The following ALG12 variants were observed in gnomAD, a reference collection of about 807,000 sequenced individuals.
ALG12 encodes dol-P-Man:Man(7)GlcNAc(2)-PP-Dol alpha-1,6-mannosyltransferase.
In ALG12, 36 loss-of-function variants were observed where a neutral mutation model predicts 46.0. That is an observed-to-expected ratio of 0.78 (90% confidence interval 0.60 to 1.03). The LOEUF (loss-of-function observed/expected upper bound fraction) is 1.03. ALG12 is among the 50% of genes least tolerant of loss of function. The pLI is 0.00. For synonymous variants in ALG12, 326 were observed against 291.6 expected, an observed-to-expected ratio of 1.12 and a Z score of -1.20; for missense variants, 599 against 633.5, an observed-to-expected ratio of 0.95 and a Z score of 0.58.
In ALG12 at chr22:49,903,468, G is replaced by C. The variant is rs1249818970; in HGVS notation, c.*370C>G. On this transcript the variant is annotated 3_prime_UTR_variant, in exon 10 of 10. Coordinates refer to ENST00000330817, the MANE Select transcript of ALG12 (RefSeq NM_024105.4). ...GTGCTGCCAAAATACAGCTCCCCCTGGGTGGGCAGGACACACGTGGCCTCC... is the reference window on the plus strand; with the variant it reads ...GTGCTGCCAAAATACAGCTCCCCCTCGGTGGGCAGGACACACGTGGCCTCC... 2 of 479,418 alleles carry C rather than the reference G, an allele frequency of 4.2e-6. No homozygotes were observed. Among genetic ancestry groups the C allele is most frequent in the African/African-American group, 3.9e-5 (2 of 51,154 alleles). 29.7% of individuals were successfully genotyped at this position (479,418 alleles called of 1,614,324 possible).
chr22:49,876,160 T>C, the ALG12 span, among the ~76,000 whole-genome samples: 2 of 152,226 alleles, frequency 1.3e-5, no homozygotes, highest in African/African-American at 2.4e-5. Flanking sequence ...TTGATTTTGG[T>C]TCTTTTAAAT....
At chr22:49,869,466 G>A in the ALG12 span, among the ~76,000 whole-genome samples, 1 of 152,192 alleles carries the variant, frequency 6.6e-6, no homozygotes, top group Non-Finnish European at 1.5e-5. Context: ...TTAGAGACAC[G>A]TTCTGTGTTT....
At chr22:49,910,753 G>GC (rs1432352212) in intron 3 of ALG12, 146 bp from the exon 4 acceptor site, 1 of 949,418 alleles carries the variant, frequency 1.1e-6, no homozygotes, top group African/African-American at 1.6e-5. Flanking sequence ...AGGCAAAGCA[G>GC]CCTTGAGGGC....
chr22:49,888,815 T>G, the ALG12 span: 1 of 167,254 alleles, frequency 6.0e-6, no homozygotes, highest in Non-Finnish European at 1.5e-5. Context: ...ACAGTGCCCG[T>G]GAGGCTGCAG....
At position 49,903,176 on chromosome 22, in the gene ALG12, A is replaced by T. The variant is rs1396671777; in HGVS notation, c.*662T>A. The stretch of plus-strand genomic sequence containing the variant: ...CACCTGTGATAAGCTATCACATAGG[A>T]AACATTTTTAAAATTTCATTCTCAT... On this transcript the variant is annotated 3_prime_UTR_variant, in exon 10 of 10. Coordinates refer to ENST00000330817, the MANE Select transcript of ALG12 (RefSeq NM_024105.4). 2.7e-6 allele frequency: 1 copy of T among 372,290 alleles called. No homozygotes were observed. Among genetic ancestry groups the T allele is most frequent in the Non-Finnish European group, 5.3e-6 (1 of 189,540 alleles). 23.1% of individuals were successfully genotyped at this position (372,290 alleles called of 1,614,324 possible). A position where few individuals can be genotyped will look rare whatever the true frequency, so the allele number is the denominator to read the frequency against.
the ALG12 span, among the ~76,000 whole-genome samples, chr22:49,872,719 T>C: frequency 1.1e-4 from 17 of 151,478 alleles, no homozygotes; most frequent in Non-Finnish European, 2.1e-4. Flanking sequence ...TTTTTTTTTT[T>C]CCTGAGATGG....
At chr22:49,889,582 C>T in the ALG12 span, 4 of 167,182 alleles carry the variant, frequency 2.4e-5, no homozygotes, top group African/African-American at 7.2e-5. Flanking sequence ...GCTTGCTTTA[C>T]TCAACAGAAA....
rs1297057011 is a variant in ALG12 at position 49,903,759 on chromosome 22, G to T, written c.*79C>A. ...CTTGCTTCTCTGAATTGTCATAATTGTGCTGGAATTGTGCCAGAAACTGGT... is the reference window on the plus strand; with the variant it reads ...CTTGCTTCTCTGAATTGTCATAATTTTGCTGGAATTGTGCCAGAAACTGGT... On this transcript the variant is annotated 3_prime_UTR_variant, in exon 10 of 10. Coordinates refer to ENST00000330817, the MANE Select transcript of ALG12 (RefSeq NM_024105.4). 2.0e-6 allele frequency: 3 copies of T among 1,487,420 alleles called. No individual in the cohort carries two copies. The highest frequency in any genetic ancestry group is 1.1e-5 in the South Asian group (1 of 88,304). 92.1% of individuals were successfully genotyped at this position (1,487,420 alleles called of 1,614,324 possible).
chr22:49,886,079 C>A, the ALG12 span: 1 of 680,668 alleles, frequency 1.5e-6, no homozygotes, highest in East Asian at 2.5e-5. This position sits in a 1 kb window ranked among gnomAD's most constrained non-coding sequence, Gnocchi z 7.7. Flanking sequence ...GTGGGCATCA[C>A]CGTCACCGAC....
the ALG12 span, chr22:49,883,712 C>T: frequency 6.2e-7 from 1 of 1,605,580 alleles, no homozygotes; most frequent in African/African-American, 1.3e-5. Flanking sequence ...GATTTCGTTT[C>T]TGATAAAATA....
chr22:49,865,371 C>T, the ALG12 span, among the ~76,000 whole-genome samples: 15 of 151,992 alleles, frequency 9.9e-5, no homozygotes, highest in Admixed American at 2.0e-4. Context: ...ACACGGGGGC[C>T]GGGCGCAGTG....
At chr22:49,871,180 G>A in the ALG12 span, among the ~76,000 whole-genome samples, 3 of 6,530 alleles carry the variant, frequency 4.6e-4, no homozygotes, top group African/African-American at 3.7e-3. Context: ...AAAGTGCTAG[G>A]ACTACAGGCG....
At chr22:49,874,396 T>C in the ALG12 span, among the ~76,000 whole-genome samples, 1 of 152,018 alleles carries the variant, frequency 6.6e-6, no homozygotes, top group Non-Finnish European at 1.5e-5. Flanking sequence ...TAATTTTTTT[T>C]TTTTTTTTAG....
the ALG12 span, chr22:49,886,293 C>A: frequency 6.7e-7 from 1 of 1,487,736 alleles, no homozygotes; most frequent in Non-Finnish European, 9.2e-7. The surrounding 1 kb of genome is among the most constrained non-coding windows in gnomAD (Gnocchi z 7.7). Flanking sequence ...AGAGGGAGTA[C>A]GCGCTGCCTC....
In ALG12 at chr22:49,913,814, C is replaced by T. The variant is rs536017843; in HGVS notation, c.-49G>A. On this transcript the variant is annotated 5_prime_UTR_variant, in exon 2 of 10. In the 5' UTR this introduces an upstream ATG that the reference lacks. Transcript: ENST00000330817. ...CTTCACAGGCCAACAGTGCGAGACA[C>T]CAGCCGTTAGCACTGCCACTCCACG... 27 of 1,609,208 alleles carry T rather than the reference C, an allele frequency of 1.7e-5. No individual in the cohort carries two copies. The East Asian group carries it at 3.3e-4, about 20-fold the overall frequency.
chr22:49,896,391 AGGTG>A (rs1483416770), downstream of ALG12, among the ~76,000 whole-genome samples: 2 of 152,144 alleles, frequency 1.3e-5, no homozygotes, highest in African/African-American at 4.8e-5. Context: ...CCTCCTATTG[AGGTG>A]GGTGAGGGAG....
chr22:49,902,585 T>G lies in ALG12; in HGVS notation c.*1253A>C, dbSNP rs1363023703. 2 of 136,146 alleles carry G rather than the reference T, an allele frequency of 1.5e-5. No homozygotes were observed. Among genetic ancestry groups the G allele is most frequent in the Admixed American group, 1.4e-4 (2 of 14,076 alleles). The allele number at this position is 136,146 out of a possible 1,614,324, so 8.4% of individuals were successfully genotyped here. Reference sequence around the variant, plus strand: ...GTAATGTGCACGTGTGCACTGTGTGTGGTGTGTATGCATGGTGTGTGCACG... The same window carrying G: ...GTAATGTGCACGTGTGCACTGTGTGGGGTGTGTATGCATGGTGTGTGCACG... On this transcript the variant is annotated 3_prime_UTR_variant, in exon 10 of 10. Coordinates refer to ENST00000330817, the MANE Select transcript of ALG12 (RefSeq NM_024105.4).
Position 49,913,792 on chromosome 22 carries a change from C to A in ALG12, c.-27G>T, listed in dbSNP as rs780919998. The stretch of plus-strand genomic sequence containing the variant: ...CCAGGCTTTCAGCTTCACGTACCTT[C>A]ACAGGCCAACAGTGCGAGACACCAG... On this transcript the variant is annotated 5_prime_UTR_variant, in exon 2 of 10. Transcript: ENST00000330817. 1 of 1,611,762 alleles carries A rather than the reference C, an allele frequency of 6.2e-7. No homozygotes were observed. The highest frequency in any genetic ancestry group is 8.5e-7 in the Non-Finnish European group (1 of 1,180,020).
chr22:49,876,302 GTGT>G, the ALG12 span, among the ~76,000 whole-genome samples: 1 of 152,154 alleles, frequency 6.6e-6, no homozygotes, highest in Non-Finnish European at 1.5e-5. Flanking sequence ...TTGGATAATA[GTGT>G]TGTTTGAATC....
Sources: allele counts gnomAD v4.1 joint callset (sites outside exome capture counted in the v4.1 genomes callset), GRCh38; gene constraint gnomAD v4.1.1; non-coding constraint Gnocchi (gnomAD v3.1); transcripts MANE v1.5; gene names NCBI Gene and HGNC (gene_info 2026-07-23, HGNC 2026-07-21).